The following TDRD3 variants were observed in gnomAD, a reference collection of about 807,000 sequenced individuals.
The protein encoded by TDRD3 is tudor domain-containing protein 3.
Under a neutral mutation model 86.7 loss-of-function variants are expected in TDRD3, and 45 were observed. That is an observed-to-expected ratio of 0.52 (90% CI 0.41 to 0.67). The LOEUF (loss-of-function observed/expected upper bound fraction) is 0.67. TDRD3 is among the 30% of genes least tolerant of loss of function. The pLI, the probability that TDRD3 is intolerant of heterozygous loss-of-function variation, is 0.00. For missense variants in TDRD3, 814 were observed against 889.0 expected (o/e 0.92, Z 1.07); for synonymous variants, 298 against 301.7 (o/e 0.99, Z 0.13).
chr13:60,499,267 A>G (rs2137591000), intron 8 of TDRD3, among the ~76,000 whole-genome samples: 1 of 152,320 alleles, frequency 6.6e-6, no homozygotes, highest in East Asian at 1.9e-4. Flanking sequence ...ATCTTGGAGA[A>G]TTACAGTGGA....
intron 12 of TDRD3, among the ~76,000 whole-genome samples, chr13:60,566,696 A>C (rs1156325604): frequency 6.6e-6 from 1 of 152,188 alleles, no homozygotes; most frequent in African/African-American, 2.4e-5. Context: ...TGTTAATTCA[A>C]AAACATTTAA....
chr13:60,464,947 A>T (rs1046632814), intron 4 of TDRD3, among the ~76,000 whole-genome samples: 1 of 152,188 alleles, frequency 6.6e-6, no homozygotes, highest in African/African-American at 2.4e-5. Flanking sequence ...GTAGATTCAT[A>T]ATGTTCTCGC....
chr13:60,536,553 A>G (rs1595085552), intron 12 of TDRD3: 1 of 152,052 alleles, frequency 6.6e-6, no homozygotes, highest in Non-Finnish European at 1.5e-5. Flanking sequence ...TGATGATGAA[A>G]GTAATTATTT....
intron 10 of TDRD3, among the ~76,000 whole-genome samples, chr13:60,514,986 G>A (rs1009677390): frequency 2.0e-5 from 3 of 152,192 alleles, no homozygotes; most frequent in Admixed American, 2.0e-4. Flanking sequence ...ACACAGGGAA[G>A]TAGATTGATT....
intron 5 of TDRD3, among the ~76,000 whole-genome samples, chr13:60,467,933 C>A (rs1477830928): frequency 6.6e-6 from 1 of 152,132 alleles, no homozygotes; most frequent in Non-Finnish European, 1.5e-5. Flanking sequence ...CCATTGCAGT[C>A]AAATCTCGTA....
At chr13:60,535,908 CAT>C (rs772460267) in intron 12 of TDRD3, 1 of 152,058 alleles carries the variant, frequency 6.6e-6, no homozygotes, top group Non-Finnish European at 1.5e-5. Context: ...GAATACAAGA[CAT>C]ATTAGAATTA....
intron 12 of TDRD3, among the ~76,000 whole-genome samples, chr13:60,541,886 C>T (rs1188019200): frequency 6.6e-6 from 1 of 151,664 alleles, no homozygotes. Context: ...GGCCACCATG[C>T]CCAGCTAATT....
In TDRD3 at chr13:60,528,810, A is replaced by G. The variant is rs571511157; in HGVS notation, c.1585A>G (p.Asn529Asp). The G allele has an allele frequency of 6.2e-7, 1 of 1,613,858 alleles. No homozygotes were observed. The highest frequency in any genetic ancestry group is 2.2e-5 in the East Asian group (1 of 44,872). ...NPLPQGSVDYNNQKRGKRESQ... is the reference protein window; with the variant it reads ...NPLPQGSVDYDNQKRGKRESQ... ...ACTTCCTCAAGGATCTGTAGATTAT[A>G]ATAATCAAAAACGTGGAAAAAGAGA... Residue 529 changes from asparagine to aspartate, a missense_variant, in exon 11 of 14, where the codon AAT becomes GAT. Physicochemically the swap from Asn to Asp is conservative, Grantham distance 23. Transcript: ENST00000377881.
Position 60,562,093 on chromosome 13 carries a change from T to C in TDRD3, c.2119-5432T>C, listed in dbSNP as rs151282418. ...TGAGAGGCCAAGGTGTGTGGATCAC[T>C]TGAGATCAGGAGTTCGAGACCAGCC... On this transcript the variant is annotated intron_variant, in intron 12 of 13. Transcript: ENST00000377881. Among the ~76,000 whole-genome samples, 652 of 152,038 alleles carry C rather than the reference T, an allele frequency of 4.3e-3. 8 individuals are homozygous for C. Among genetic ancestry groups the C allele is most frequent in the African/African-American group, 0.014 (581 of 41,456 alleles).
At chr13:60,508,745 A>G (rs929095029) in intron 8 of TDRD3, among the ~76,000 whole-genome samples, 1 of 152,200 alleles carries the variant, frequency 6.6e-6, no homozygotes, top group African/African-American at 2.4e-5. Context: ...TAGAAAAGTC[A>G]CTAAGCAAAC....
intron 1 of TDRD3, among the ~76,000 whole-genome samples, chr13:60,410,344 A>G (rs1954332796): frequency 6.6e-6 from 1 of 152,194 alleles, no homozygotes; most frequent in African/African-American, 2.4e-5. Context: ...AAGTTGTCAT[A>G]GAGTTCAAGT....
chr13:60,465,566 G>A (rs1955901019), intron 4 of TDRD3, among the ~76,000 whole-genome samples: 1 of 152,036 alleles, frequency 6.6e-6, no homozygotes, highest in South Asian at 2.1e-4. Context: ...GATAGCATTG[G>A]TGTATAAAAA....
At chr13:60,556,749 T>A (rs1958196420) in intron 12 of TDRD3, among the ~76,000 whole-genome samples, 1 of 152,166 alleles carries the variant, frequency 6.6e-6, no homozygotes, top group South Asian at 2.1e-4. Flanking sequence ...GAATGGTAAC[T>A]ACGAAAATGT....
chr13:60,510,802 CTTT>C (rs370448567), intron 10 of TDRD3, 47 bp downstream of exon 10: 1,107 of 1,197,964 alleles, frequency 9.2e-4, no homozygotes, highest in South Asian at 2.3e-3. Context: ...TCTTTTCTTT[CTTT>C]TTTTTTTTTT....
chr13:60,467,218 C>T lies in TDRD3; in HGVS notation c.354-20C>T. On this transcript the variant is annotated intron_variant, in intron 4 of 13. Transcript: ENST00000377881. The stretch of plus-strand genomic sequence containing the variant: ...GTTCTCAGCTTCAATATGTTTTTAA[C>T]ACTTTTCTCTTTGCTTTAGCCTGAA... 1 of 1,611,726 alleles carries T rather than the reference C, an allele frequency of 6.2e-7. No individual in the cohort carries two copies. Among genetic ancestry groups the T allele is most frequent in the Non-Finnish European group, 8.5e-7 (1 of 1,179,078 alleles).
chr13:60,543,705 A>G (rs1957868660), intron 12 of TDRD3, among the ~76,000 whole-genome samples: 1 of 151,996 alleles, frequency 6.6e-6, no homozygotes, highest in African/African-American at 2.4e-5. Flanking sequence ...ATAAACAGCA[A>G]TTTTTCCTCA....
intron 4 of TDRD3, among the ~76,000 whole-genome samples, chr13:60,462,726 C>T (rs1314422850): frequency 2.0e-5 from 3 of 151,766 alleles, no homozygotes; most frequent in Non-Finnish European, 4.4e-5. Context: ...CTTTGGGTGC[C>T]AATGAAAATA....
chr13:60,525,647 C>A, intron 10 of TDRD3, among the ~76,000 whole-genome samples: 1 of 151,980 alleles, frequency 6.6e-6, no homozygotes, highest in East Asian at 1.9e-4. Context: ...TTTTAAGTAC[C>A]AAGTGTAATG....
At chr13:60,451,829 A>G (rs1333676064) in intron 3 of TDRD3, among the ~76,000 whole-genome samples, 2 of 152,130 alleles carry the variant, frequency 1.3e-5, no homozygotes, top group African/African-American at 4.8e-5. Context: ...TCCTTAGGCT[A>G]TTCTCTCCCC....
Sources: allele counts gnomAD v4.1 joint callset (sites outside exome capture counted in the v4.1 genomes callset), GRCh38; gene constraint gnomAD v4.1.1; transcripts MANE v1.5; gene names NCBI Gene and HGNC (gene_info 2026-07-23, HGNC 2026-07-21).